Variants in TBCA observed in about 807,000 individuals in gnomAD.
TBCA encodes the protein tubulin-specific chaperone A.
Under a neutral mutation model 15.8 loss-of-function variants are expected in TBCA, and 6 were observed. The observed-to-expected ratio is 0.38, with a 90% CI of 0.21 to 0.75. The LOEUF (loss-of-function observed/expected upper bound fraction) is 0.75. Among genes scored for constraint, TBCA ranks in the 30% least tolerant of loss-of-function variants. The probability of loss-of-function intolerance (pLI) is 0.46; values close to 1 mark genes in which losing one functional copy is unlikely to be tolerated. For missense variants in TBCA, 90 were observed against 131.2 expected, an observed-to-expected ratio of 0.69 and a Z score of 1.53; for synonymous variants, 32 against 42.3, an observed-to-expected ratio of 0.76 and a Z score of 0.94.
At chr5:77,743,340 A>T (rs981616098) in intron 1 of TBCA, among the ~76,000 whole-genome samples, 7 of 152,212 alleles carry the variant, frequency 4.6e-5, no homozygotes, top group Admixed American at 2.6e-4. Context: ...GTCCCTGGAG[A>T]AATGGACATT....
chr5:77,720,674 G>A (rs745853825), intron 1 of TBCA, among the ~76,000 whole-genome samples: 4 of 151,970 alleles, frequency 2.6e-5, no homozygotes, highest in Admixed American at 6.5e-5. Context: ...AGATCACATC[G>A]CTGCACTCCA....
At chr5:77,762,971 C>T (rs1398402279) in intron 1 of TBCA, among the ~76,000 whole-genome samples, 4 of 152,136 alleles carry the variant, frequency 2.6e-5, no homozygotes, top group African/African-American at 7.2e-5. Context: ...CGGCCGGGCG[C>T]GGTGGCTCAC....
At chr5:77,742,370 C>T (rs902318854) in intron 1 of TBCA, among the ~76,000 whole-genome samples, 2 of 152,178 alleles carry the variant, frequency 1.3e-5, no homozygotes, top group African/African-American at 4.8e-5. Context: ...TTTTATGTCT[C>T]TTCCTCATCC....
chr5:77,750,944 G>C (rs1356140259), intron 1 of TBCA, among the ~76,000 whole-genome samples: 1 of 152,160 alleles, frequency 6.6e-6, no homozygotes, highest in Non-Finnish European at 1.5e-5. Context: ...GGTTGAAAGA[G>C]TTATTATCAG....
chr5:77,760,000 A>G (rs1747570964), intron 1 of TBCA, among the ~76,000 whole-genome samples: 1 of 152,210 alleles, frequency 6.6e-6, no homozygotes, highest in South Asian at 2.1e-4. Flanking sequence ...TTTGAGAATA[A>G]ATGACTGGGA....
chr5:77,708,398 T>C (rs371176707), intron 1 of TBCA, 51 bp from the exon 2 acceptor site: 4 of 1,104,654 alleles, frequency 3.6e-6, no homozygotes, highest in East Asian at 2.4e-5. Flanking sequence ...CTCCAGACCA[T>C]AAGAAAGAAA....
chr5:77,768,170 G>A (rs944364566), intron 1 of TBCA, among the ~76,000 whole-genome samples: 10 of 152,132 alleles, frequency 6.6e-5, no homozygotes, highest in African/African-American at 2.2e-4. Flanking sequence ...CCAGTCTCAG[G>A]TATTTTTTTA....
At chr5:77,718,629 T>C (rs1204490550) in intron 1 of TBCA, among the ~76,000 whole-genome samples, 1 of 152,226 alleles carries the variant, frequency 6.6e-6, no homozygotes, top group Non-Finnish European at 1.5e-5. Context: ...GTGGTCATTA[T>C]AAAGTCCTAA....
At chr5:77,741,848 A>G (rs254422) in intron 1 of TBCA, among the ~76,000 whole-genome samples, 21,736 of 152,094 alleles carry the variant, frequency 0.14, 2,011 homozygotes, top group East Asian at 0.35. Flanking sequence ...GAATATCCCA[A>G]TCAGAGTACT....
intron 2 of TBCA, among the ~76,000 whole-genome samples, chr5:77,701,893 T>A (rs893497380): frequency 2.0e-5 from 3 of 151,530 alleles, no homozygotes; most frequent in Non-Finnish European, 4.4e-5. Flanking sequence ...TGCAGCAAGT[T>A]GGATGGGACT....
chr5:77,723,072 T>C (rs1340390935), intron 1 of TBCA, among the ~76,000 whole-genome samples: 2 of 151,706 alleles, frequency 1.3e-5, no homozygotes, highest in African/African-American at 2.4e-5. Flanking sequence ...AGCTATACCA[T>C]CTTGTGTATT....
At chr5:77,714,759 A>G (rs1156772968) in intron 1 of TBCA, among the ~76,000 whole-genome samples, 5 of 151,856 alleles carry the variant, frequency 3.3e-5, no homozygotes, top group Non-Finnish European at 7.4e-5. Flanking sequence ...GTAGAGACGG[A>G]GTTTCACCGT....
At chr5:77,763,206 T>C (rs1411487223) in intron 1 of TBCA, among the ~76,000 whole-genome samples, 1 of 152,050 alleles carries the variant, frequency 6.6e-6, no homozygotes, top group East Asian at 1.9e-4. Context: ...ATTGCGCCAC[T>C]GCACTCCTGC....
intron 2 of TBCA, 70 bp downstream of exon 2, chr5:77,708,172 T>A: frequency 1.9e-6 from 2 of 1,033,490 alleles, no homozygotes. Flanking sequence ...AGAGGACTAC[T>A]GTAAAAACTA....
chr5:77,718,308 C>T (rs888312357), intron 1 of TBCA, among the ~76,000 whole-genome samples: 9 of 152,176 alleles, frequency 5.9e-5, no homozygotes, highest in African/African-American at 2.2e-4. Flanking sequence ...TAAACTGCAA[C>T]TTAATGGAGA....
intron 1 of TBCA, among the ~76,000 whole-genome samples, chr5:77,762,869 G>A (rs570764252): frequency 1.3e-5 from 2 of 152,348 alleles, no homozygotes. Flanking sequence ...GGCAGAAGAA[G>A]ATGATTAAGT....
At chr5:77,744,694 C>T (rs1281478040) in intron 1 of TBCA, among the ~76,000 whole-genome samples, 3 of 151,958 alleles carry the variant, frequency 2.0e-5, no homozygotes, top group Non-Finnish European at 4.4e-5. Flanking sequence ...CACCACTATG[C>T]ACGGCTAATT....
intron 1 of TBCA, among the ~76,000 whole-genome samples, chr5:77,736,957 C>T (rs1259012866): frequency 6.6e-6 from 1 of 152,126 alleles, no homozygotes; most frequent in African/African-American, 2.4e-5. Context: ...AACAATAGGA[C>T]TTAGTTGTGC....
At chr5:77,715,724 A>C (rs1367238855) in intron 1 of TBCA, among the ~76,000 whole-genome samples, 1 of 152,228 alleles carries the variant, frequency 6.6e-6, no homozygotes, top group East Asian at 1.9e-4. Context: ...AGCAGTTAAT[A>C]ACATTTAGTT....
Sources: allele counts gnomAD v4.1 joint callset (sites outside exome capture counted in the v4.1 genomes callset), GRCh38; gene constraint gnomAD v4.1.1; transcripts MANE v1.5; gene names NCBI Gene and HGNC (gene_info 2026-07-23, HGNC 2026-07-21).